Variants in FHIT observed in about 807,000 individuals in gnomAD.
The protein encoded by FHIT is fragile histidine triad diadenosine triphosphatase.
A neutral mutation model predicts 17.9 loss-of-function variants in FHIT; 19 were observed. The observed-to-expected ratio is 1.06, with a 90% confidence interval of 0.74 to 1.56. The LOEUF (loss-of-function observed/expected upper bound fraction) is 1.56, where lower values mean the gene tolerates loss of function less well. Among genes scored for constraint, FHIT ranks in the 40% most tolerant of loss-of-function variants. The probability of loss-of-function intolerance (pLI) is 0.00; values close to 1 mark genes in which losing one functional copy is unlikely to be tolerated. For missense variants in FHIT, 248 were observed against 189.2 expected, an observed-to-expected ratio of 1.31 and a Z score of -1.82; for synonymous variants, 81 against 69.7, an observed-to-expected ratio of 1.16 and a Z score of -0.81.
intron 8 of FHIT, among the ~76,000 whole-genome samples, chr3:59,855,260 T>C (rs1702105781): frequency 6.6e-6 from 1 of 152,192 alleles, no homozygotes; most frequent in African/African-American, 2.4e-5. Flanking sequence ...GAATGCCACA[T>C]ATAAACCAAC....
chr3:60,851,247 G>A (rs879946565), intron 3 of FHIT, among the ~76,000 whole-genome samples: 9 of 152,112 alleles, frequency 5.9e-5, no homozygotes, highest in Admixed American at 2.0e-4. Context: ...TTCCCCCACA[G>A]AATAAAATAT....
At chr3:60,392,309 G>A (rs1055071846) in intron 5 of FHIT, among the ~76,000 whole-genome samples, 3 of 152,148 alleles carry the variant, frequency 2.0e-5, no homozygotes, top group Non-Finnish European at 4.4e-5. Context: ...TGGTAAAGTC[G>A]CTGATGCTTT....
chr3:60,962,475 G>A (rs1553781357), intron 3 of FHIT, among the ~76,000 whole-genome samples: 1 of 152,196 alleles, frequency 6.6e-6, no homozygotes, highest in East Asian at 1.9e-4. Flanking sequence ...ATGTTGAATA[G>A]GAGTGGTGAA....
At chr3:60,798,378 A>C (rs2106643314) in intron 4 of FHIT, among the ~76,000 whole-genome samples, 1 of 152,354 alleles carries the variant, frequency 6.6e-6, no homozygotes, top group African/African-American at 2.4e-5. Context: ...CCAATAACAG[A>C]ACATGTACAA....
chr3:60,217,383 T>C (rs1703743143), intron 5 of FHIT, among the ~76,000 whole-genome samples: 1 of 152,188 alleles, frequency 6.6e-6, no homozygotes, highest in Non-Finnish European at 1.5e-5. Flanking sequence ...AATCACCAGT[T>C]CCACTTTGTG....
chr3:60,941,572 A>G (rs1009907120), intron 3 of FHIT, among the ~76,000 whole-genome samples: 3 of 152,094 alleles, frequency 2.0e-5, no homozygotes, highest in Non-Finnish European at 1.5e-5. Context: ...TTTCCTATCC[A>G]TGTTTTTATA....
At chr3:59,972,426 T>C (rs1171762261) in intron 7 of FHIT, among the ~76,000 whole-genome samples, 6 of 152,072 alleles carry the variant, frequency 3.9e-5, no homozygotes, top group African/African-American at 1.2e-4. Flanking sequence ...GCTGGGAAGG[T>C]ATCCTTGGCG....
At chr3:60,478,863 C>T (rs1387525487) in intron 5 of FHIT, among the ~76,000 whole-genome samples, 1 of 152,160 alleles carries the variant, frequency 6.6e-6, no homozygotes, top group Non-Finnish European at 1.5e-5. Flanking sequence ...AGTATAATCA[C>T]ACCACATATC....
chr3:60,826,970 G>A (rs1241109595), intron 3 of FHIT, among the ~76,000 whole-genome samples: 1 of 151,918 alleles, frequency 6.6e-6, no homozygotes, highest in Non-Finnish European at 1.5e-5. Context: ...AACCTTCCAT[G>A]TTCTAGGACT....
At chr3:59,963,809 C>T (rs568600391) in intron 7 of FHIT, among the ~76,000 whole-genome samples, 9 of 152,142 alleles carry the variant, frequency 5.9e-5, no homozygotes, top group African/African-American at 1.7e-4. Context: ...TTTAAAATAG[C>T]GTGTGAATAA....
chr3:60,531,876 T>A (rs1192168490), intron 5 of FHIT, among the ~76,000 whole-genome samples: 1 of 152,214 alleles, frequency 6.6e-6, no homozygotes, highest in South Asian at 2.1e-4. Context: ...TAAAAGATAT[T>A]TGTCAGAGTT....
At chr3:60,759,551 T>C (rs552711806) in intron 4 of FHIT, among the ~76,000 whole-genome samples, 3 of 152,140 alleles carry the variant, frequency 2.0e-5, no homozygotes, top group South Asian at 2.1e-4. Context: ...TCATTACAGA[T>C]TGACAGATCA....
chr3:60,397,368 G>A (rs1379424405), intron 5 of FHIT, among the ~76,000 whole-genome samples: 2 of 152,140 alleles, frequency 1.3e-5, no homozygotes, highest in African/African-American at 2.4e-5. Context: ...AGAGATAGGA[G>A]GTTTGGGAAG....
intron 5 of FHIT, among the ~76,000 whole-genome samples, chr3:60,321,794 C>G (rs1171517266): frequency 6.6e-6 from 1 of 152,150 alleles, no homozygotes; most frequent in Non-Finnish European, 1.5e-5. Flanking sequence ...AGCTTCAGAG[C>G]CTGGTGAGGG....
At chr3:60,121,686 AAAAC>A (rs138801814) in intron 5 of FHIT, among the ~76,000 whole-genome samples, 38 of 96,888 alleles carry the variant, frequency 3.9e-4, no homozygotes, top group South Asian at 1.6e-3. Flanking sequence ...TCTGTCTCAA[AAAAC>A]AAACAAACAA....
At chr3:60,724,649 TTTTTTTTTTTG>T (rs2041877946) in intron 4 of FHIT, among the ~76,000 whole-genome samples, 1 of 139,254 alleles carries the variant, frequency 7.2e-6, no homozygotes, top group Admixed American at 7.1e-5. Flanking sequence ...AACTGTCTGT[TTTTTTTTTTTG>T]TTTTTTTTTT....
intron 5 of FHIT, among the ~76,000 whole-genome samples, chr3:60,403,545 A>G (rs989744378): frequency 7.2e-5 from 11 of 152,090 alleles, no homozygotes; most frequent in African/African-American, 2.4e-4. Context: ...TCTAATCCCT[A>G]CCACCTTCCT....
intron 4 of FHIT, among the ~76,000 whole-genome samples, chr3:60,614,014 T>C (rs1294520475): frequency 6.6e-6 from 1 of 151,938 alleles, no homozygotes; most frequent in East Asian, 1.9e-4. Flanking sequence ...GAGAACAGCA[T>C]GAAACATGAA....
chr3:60,082,967 G>A (rs991535322), intron 5 of FHIT, among the ~76,000 whole-genome samples: 5 of 151,900 alleles, frequency 3.3e-5, no homozygotes, highest in East Asian at 1.9e-4. Flanking sequence ...CAAGCTCTTC[G>A]ATTAGGCCCT....
Sources: gnomAD v4.1 joint callset for allele counts (sites outside exome capture counted in the v4.1 genomes callset) on GRCh38, gnomAD v4.1.1 for gene constraint, MANE v1.5 for transcripts, NCBI Gene and HGNC (gene_info 2026-07-23, HGNC 2026-07-21) for gene names.